Variants in NQO2 observed in about 807,000 individuals in gnomAD.
The protein encoded by NQO2 is ribosyldihydronicotinamide dehydrogenase [quinone].
Under a neutral mutation model 22.0 loss-of-function variants are expected in NQO2, and 18 were observed. The observed-to-expected ratio is 0.82, with a 90% confidence interval of 0.56 to 1.21. The LOEUF is 1.21. Among genes scored for constraint, NQO2 ranks in the 50% most tolerant of loss-of-function variants. The pLI, the probability that NQO2 is intolerant of heterozygous loss-of-function variation, is 0.00. For missense variants in NQO2, 267 were observed against 286.9 expected (o/e 0.93, Z 0.50); for synonymous variants, 106 against 110.8 (o/e 0.96, Z 0.28).
At chr6:3,016,523 G>A (rs1757334420) in intron 5 of NQO2, among the ~76,000 whole-genome samples, 1 of 151,566 alleles carries the variant, frequency 6.6e-6, no homozygotes, top group Non-Finnish European at 1.5e-5. Flanking sequence ...TAACCAAGAT[G>A]TGTCTTGGAC....
Position 3,010,193 on chromosome 6 carries a change from A to G in NQO2, c.172+4A>G, listed in dbSNP as rs1485977787. 1 of 1,592,518 alleles carries G rather than the reference A, an allele frequency of 6.3e-7. No individual in the cohort carries two copies. The highest frequency in any genetic ancestry group is 1.3e-5 in the African/African-American group (1 of 74,092). On this transcript the variant is annotated splice_donor_region_variant and intron_variant, in intron 3 of 6. Transcript: ENST00000380455. The stretch of plus-strand genomic sequence containing the variant: ...GCCACAGACAAAGATATCACTGGTG[A>G]GTCATGGGATAAATGCTCTATTTAT...
intron 5 of NQO2, among the ~76,000 whole-genome samples, chr6:3,015,873 C>T (rs11242817): frequency 0.17 from 26,130 of 152,198 alleles, 2,563 homozygotes; most frequent in Non-Finnish European, 0.22. Flanking sequence ...GCATACTACA[C>T]GCATGGCAAA....
chr6:3,012,403 C>A, intron 3 of NQO2, 141 bp from the exon 4 acceptor site: 1 of 1,462,652 alleles, frequency 6.8e-7, no homozygotes. Context: ...AGCTCGGACC[C>A]AGGGTGCAGC....
chr6:3,019,295 T>C, intron 6 of NQO2, 184 bp from the exon 7 acceptor site: 1 of 944,328 alleles, frequency 1.1e-6, no homozygotes, highest in Non-Finnish European at 1.3e-6. Context: ...TCTTCACGGC[T>C]CTTATGCAAG....
At chr6:3,012,973 T>TTTTTTTTTTTTTTTTTG (rs1757195389) in intron 4 of NQO2, among the ~76,000 whole-genome samples, 1 of 127,424 alleles carries the variant, frequency 7.8e-6, no homozygotes, top group Non-Finnish European at 1.6e-5. Flanking sequence ...TTTTTTTTTT[T>TTTTTTTTTTTTTTTTTG]GAGACGGAGT....
intron 4 of NQO2, among the ~76,000 whole-genome samples, chr6:3,014,259 C>T (rs1235144550): frequency 6.6e-6 from 1 of 152,190 alleles, no homozygotes; most frequent in Non-Finnish European, 1.5e-5. Flanking sequence ...CGACACCAGC[C>T]CTTTCTTTAC....
In NQO2 at chr6:3,003,403, C is replaced by T. The variant is rs2756068; in HGVS notation, c.-85-3065C>T. On this transcript the variant is annotated intron_variant, in intron 1 of 6. Transcript: ENST00000380455. ...AACATCCAGGATTTCAGCCTCAGTGCTAAGACAACCATGTCTCTCCCTGAC... is the reference window on the plus strand; with the variant it reads ...AACATCCAGGATTTCAGCCTCAGTGTTAAGACAACCATGTCTCTCCCTGAC... 2.5e-4 allele frequency: 86 copies of T among 341,190 alleles called. 1 individual carries two copies. The East Asian group carries it at 0.011, about 44-fold the overall frequency. 21.1% of individuals were successfully genotyped at this position (341,190 alleles called of 1,614,324 possible).
intron 6 of NQO2, among the ~76,000 whole-genome samples, chr6:3,018,166 C>A (rs1757402860): frequency 6.6e-6 from 1 of 152,176 alleles, no homozygotes; most frequent in Admixed American, 6.5e-5. Flanking sequence ...TTGCTGTTTT[C>A]TCCTCCTAAT....
At chr6:3,010,268 CA>C in intron 3 of NQO2, 79 bp downstream of exon 3, 1 of 1,280,688 alleles carries the variant, frequency 7.8e-7, no homozygotes, top group Non-Finnish European at 1.0e-6. Context: ...CTTCCAGCTG[CA>C]AAATGGCATT....
At chr6:3,000,543 CT>C (rs559414956) in intron 1 of NQO2, among the ~76,000 whole-genome samples, 223 of 146,524 alleles carry the variant, frequency 1.5e-3, no homozygotes, top group Middle Eastern at 3.6e-3. Context: ...AAAAAATCAG[CT>C]TTTTTTTTTT....
At position 3,012,946 on chromosome 6, in the gene NQO2, CTTTTTTTTT is replaced by C. The variant is rs751626888; in HGVS notation, c.303+291_303+299del. The stretch of plus-strand genomic sequence containing the variant: ...AACACTGTACGTAGATGTAACACTA[CTTTTTTTTT>C]TTTTTTTTTTTTTTTTTTGAGACGG... On this transcript the variant is annotated intron_variant, in intron 4 of 6. Coordinates refer to ENST00000380455, the MANE Select transcript of NQO2 (RefSeq NM_000904.6). 9.5e-3 allele frequency among the ~76,000 whole-genome samples: 574 copies of C among 60,724 alleles called. 14 individuals are homozygous for C. The highest frequency in any genetic ancestry group is 0.012 in the African/African-American group (163 of 13,542). 39.8% of individuals were successfully genotyped at this position (60,724 alleles called of 152,430 possible).
At chr6:3,017,878 T>C (rs60859009) in intron 6 of NQO2, among the ~76,000 whole-genome samples, 8,841 of 152,246 alleles carry the variant, frequency 0.058, 420 homozygotes, top group African/African-American at 0.13. Flanking sequence ...GAACTCTCTC[T>C]AGGTGCACGT....
intron 5 of NQO2, 23 bp from the exon 6 acceptor site, chr6:3,016,861 T>C (rs772667261): frequency 2.5e-6 from 4 of 1,612,080 alleles, no homozygotes; most frequent in Non-Finnish European, 2.5e-6. Context: ...TCCACACAAA[T>C]GCATCTGCTT....
intron 2 of NQO2, among the ~76,000 whole-genome samples, chr6:3,007,763 G>T (rs1335692834): frequency 2.6e-5 from 4 of 152,210 alleles, no homozygotes; most frequent in African/African-American, 9.7e-5. Flanking sequence ...TGGGCTCCAT[G>T]TGGCCCTGCC....
intron 6 of NQO2, 97 bp from the exon 7 acceptor site, chr6:3,019,377 TGAAGG>T: frequency 1.4e-6 from 2 of 1,453,784 alleles, no homozygotes; most frequent in South Asian, 1.6e-5. Context: ...CATGATTTTT[TGAAGG>T]TTTGTTTCAC....
intron 3 of NQO2, 118 bp from the exon 4 acceptor site, chr6:3,012,424 GTT>G (rs1757164027): frequency 1.3e-6 from 2 of 1,497,742 alleles, no homozygotes; most frequent in Middle Eastern, 3.8e-4. Flanking sequence ...TTCTGGTCAG[GTT>G]GCAGCAAATG....
Position 3,010,053 on chromosome 6 carries a change from C to T in NQO2, c.36C>T (p.His12=), listed in dbSNP as rs138035470. ...AGKKVLIVYA[H]QEPKSFNGSL... Reference sequence around the variant, plus strand: ...AGAAAGTACTCATTGTCTATGCACACCAGGAACCCAAGTCTTTCAACGGAT... The same window carrying T: ...AGAAAGTACTCATTGTCTATGCACATCAGGAACCCAAGTCTTTCAACGGAT... Residue 12 remains histidine (H), a synonymous_variant, in exon 3 of 7, where the codon CAC becomes CAT. Transcript: ENST00000380455. The T allele has an allele frequency of 7.4e-5, 120 of 1,613,886 alleles. No homozygotes were observed. The African/African-American group carries it at 1.4e-3, about 19-fold the overall frequency.
At position 3,017,726 on chromosome 6, in the gene NQO2, C is replaced by A. The variant is rs563194613; in HGVS notation, c.519+741C>A. On this transcript the variant is annotated intron_variant, in intron 6 of 6. Transcript: ENST00000380455. ...AGGGAGTGGGGAGCAGACTCCAGGT[C>A]AGGGGCTCCAGGGAACCCAGAAACC... is the stretch of plus-strand genomic sequence containing the variant. Among the ~76,000 whole-genome samples, 35 of 152,212 alleles carry A rather than the reference C, an allele frequency of 2.3e-4. 1 individual carries two copies. In the South Asian group the frequency reaches 7.3e-3, roughly 32 times the overall value.
Position 3,006,657 on chromosome 6 carries a change from C to A in NQO2, c.7+98C>A. 7.9e-7 allele frequency: 1 copy of A among 1,263,644 alleles called. No individual in the cohort carries two copies. Among genetic ancestry groups the A allele is most frequent in the Non-Finnish European group, 1.1e-6 (1 of 934,828 alleles). The allele number at this position is 1,263,644 out of a possible 1,614,324, so 78.3% of individuals were successfully genotyped here. ...TCTCAAACTCCTGAGCTCAAGTGAC[C>A]CTCCCACATTGACCTTCCAGGTGGG... On this transcript the variant is annotated intron_variant, in intron 2 of 6. Coordinates refer to ENST00000380455, the MANE Select transcript of NQO2 (RefSeq NM_000904.6). The surrounding 1 kb of genome is among the most constrained non-coding windows in gnomAD (Gnocchi z 4.0).
Sources: gnomAD v4.1 joint callset for allele counts (sites outside exome capture counted in the v4.1 genomes callset) on GRCh38, gnomAD v4.1.1 for gene constraint, Gnocchi (gnomAD v3.1) non-coding constraint, MANE v1.5 for transcripts, NCBI Gene and HGNC (gene_info 2026-07-23, HGNC 2026-07-21) for gene names.